TOP2B: variants seen among roughly 807,000 people sequenced by gnomAD.
TOP2B encodes the protein DNA topoisomerase II beta.
Under a neutral mutation model 193.5 loss-of-function variants are expected in TOP2B, and 51 were observed. The observed-to-expected ratio is 0.26, with a 90% CI of 0.21 to 0.33. The LOEUF (loss-of-function observed/expected upper bound fraction) is 0.33. Among genes scored for constraint, TOP2B ranks in the 10% least tolerant of loss-of-function variants. The probability of loss-of-function intolerance (pLI) is 1.00; values close to 1 mark genes in which losing one functional copy is unlikely to be tolerated. For missense variants in TOP2B, 1,378 were observed against 1,909.3 expected, an observed-to-expected ratio of 0.72 and a Z score of 5.19; for synonymous variants, 634 against 635.7, an observed-to-expected ratio of 1.00 and a Z score of 0.04.
chr3:25,664,456 C>A lies in TOP2B; in HGVS notation c.-159G>T. On this transcript the variant is annotated 5_prime_UTR_variant, in exon 1 of 36. Coordinates refer to ENST00000264331, the MANE Select transcript of TOP2B (RefSeq NM_001330700.2). ...ATCGCGAAGATCCGGAGCGGACGTCCAGCCGAGCCCGCTGAGGAGGCCGCG... is the reference window on the plus strand; with the variant it reads ...ATCGCGAAGATCCGGAGCGGACGTCAAGCCGAGCCCGCTGAGGAGGCCGCG... 8.1e-7 allele frequency: 1 copy of A among 1,236,430 alleles called. No homozygotes were observed. The highest frequency in any genetic ancestry group is 3.2e-5 in the South Asian group (1 of 31,278). 76.6% of individuals were successfully genotyped at this position (1,236,430 alleles called of 1,614,324 possible). A position where few individuals can be genotyped will look rare whatever the true frequency, so the allele number is the denominator to read the frequency against.
chr3:25,664,851 C>T lies in TOP2B; in HGVS notation c.-554G>A, dbSNP rs1053310825. The T allele has an allele frequency of 2.7e-5, 27 of 989,162 alleles. No individual in the cohort carries two copies. Among genetic ancestry groups the T allele is most frequent in the Non-Finnish European group, 3.0e-5 (25 of 832,350 alleles). The allele number at this position is 989,162 out of a possible 1,614,324, so 61.3% of individuals were successfully genotyped here. A position where few individuals can be genotyped will look rare whatever the true frequency, so the allele number is the denominator to read the frequency against. On this transcript the variant is annotated 5_prime_UTR_variant, in exon 1 of 36. Transcript: ENST00000264331. ...ACACCGAGAGGGACAATAAACAGAG[C>T]CGCCGCCGCCGCCGCCACGGTCACC...
Position 25,664,623 on chromosome 3 carries a change from C to T in TOP2B, c.-326G>A. On this transcript the variant is annotated 5_prime_UTR_variant, in exon 1 of 36. Coordinates refer to ENST00000264331, the MANE Select transcript of TOP2B (RefSeq NM_001330700.2). ...CCCGCCCGCGGGCGCCGCTGCAGGC[C>T]GGGCTGAAGCCCGGGCGTGCGAGCC... is the stretch of plus-strand genomic sequence containing the variant. The T allele has an allele frequency of 1.0e-6, 1 of 992,686 alleles. No individual in the cohort carries two copies. The allele number at this position is 992,686 out of a possible 1,614,324, so 61.5% of individuals were successfully genotyped here.
At chr3:25,605,191 T>C (rs1439391002) in intron 32 of TOP2B, among the ~76,000 whole-genome samples, 2 of 152,098 alleles carry the variant, frequency 1.3e-5, no homozygotes, top group African/African-American at 2.4e-5. Flanking sequence ...GATATGAAAA[T>C]GTCCCACTGT....
At chr3:25,655,921 A>G (rs1400684894) in intron 1 of TOP2B, among the ~76,000 whole-genome samples, 2 of 152,182 alleles carry the variant, frequency 1.3e-5, no homozygotes, top group African/African-American at 4.8e-5. Flanking sequence ...TCAGTTTGGG[A>G]AAATGAAATA....
At chr3:25,651,645 C>T (rs1408227450) in intron 1 of TOP2B, among the ~76,000 whole-genome samples, 1 of 151,996 alleles carries the variant, frequency 6.6e-6, no homozygotes. Flanking sequence ...GTGGGCAGAT[C>T]ACTTGAGGTC....
At chr3:25,631,910 C>T (rs978043797) in intron 10 of TOP2B, among the ~76,000 whole-genome samples, 4 of 151,846 alleles carry the variant, frequency 2.6e-5, no homozygotes, top group African/African-American at 9.7e-5. Flanking sequence ...AGAGCATTTC[C>T]CCACCAAAAT....
In TOP2B at chr3:25,601,421, C is replaced by G. The variant is rs149498041; in HGVS notation, c.4490-196G>C. Reference sequence around the variant, plus strand: ...ATCACCTGAGGTCAGCAGTTCAAGACCAGCCTGGCCAATACGGTAAAACCC... The same window carrying G: ...ATCACCTGAGGTCAGCAGTTCAAGAGCAGCCTGGCCAATACGGTAAAACCC... On this transcript the variant is annotated intron_variant, in intron 33 of 35. Coordinates refer to ENST00000264331, the MANE Select transcript of TOP2B (RefSeq NM_001330700.2). 3.3e-5 allele frequency among the ~76,000 whole-genome samples: 5 copies of G among 152,242 alleles called. No individual in the cohort carries two copies. In the East Asian group the frequency reaches 9.7e-4, roughly 29 times the overall value.
At position 25,633,823 on chromosome 3, in the gene TOP2B, A is replaced by T. The variant is rs369052164; in HGVS notation, c.1026+18T>A. On this transcript the variant is annotated intron_variant, in intron 8 of 35. Transcript: ENST00000264331. ...CTGTTCTACCACTGACTTGGAAACA[A>T]ATAATTTGCTTACTTACTTTTGTAG... 1.9e-6 allele frequency: 3 copies of T among 1,595,378 alleles called. No homozygotes were observed. The African/African-American group carries it at 4.1e-5, about 22-fold the overall frequency.
intron 32 of TOP2B, 40 bp downstream of exon 32, chr3:25,606,000 AAGC>A: frequency 1.8e-6 from 2 of 1,141,194 alleles, no homozygotes; most frequent in Non-Finnish European, 2.4e-6. Context: ...CCACCACTAA[AAGC>A]AATAATACAA....
chr3:25,640,760 T>A (rs1575581155), intron 4 of TOP2B, among the ~76,000 whole-genome samples: 2 of 139,578 alleles, frequency 1.4e-5, no homozygotes, highest in Admixed American at 6.9e-5. Context: ...GTCTTTTTTT[T>A]TTTTTTTTTT....
In TOP2B at chr3:25,615,542, G is replaced by T; in HGVS notation, c.3396C>A (p.Ser1132=). The T allele has an allele frequency of 6.4e-7, 1 of 1,574,188 alleles. No homozygotes were observed. The highest frequency in any genetic ancestry group is 8.6e-7 in the Non-Finnish European group (1 of 1,159,832). The change falls in exon 26 of 36, where the codon TCC becomes TCA. Residue 1132 remains serine, a synonymous_variant. Transcript: ENST00000264331. ...DETQNQHDDS[S]SDSGTPSGPD... is the part of the protein sequence containing the mutation. ...GGCCTGAAGGAGTTCCTGAATCGGA[G>T]GAACTATCATCATGCTGGTTTTGTG...
intron 33 of TOP2B, among the ~76,000 whole-genome samples, chr3:25,603,011 C>T (rs1203136981): frequency 2.0e-5 from 3 of 152,054 alleles, no homozygotes; most frequent in African/African-American, 7.2e-5. Flanking sequence ...AGGCAGTCTA[C>T]CTATTCAACT....
chr3:25,637,135 A>C, intron 6 of TOP2B, 80 bp downstream of exon 6: 1 of 1,097,242 alleles, frequency 9.1e-7, no homozygotes, highest in Non-Finnish European at 1.3e-6. Flanking sequence ...GCATCACTGC[A>C]ATTTACCCAA....
chr3:25,664,869 C>T lies in TOP2B; in HGVS notation c.-572G>A. ...AACAGAGCCGCCGCCGCCGCCGCCA[C>T]GGTCACCTCCCTCTTGTCCGGCATA... On this transcript the variant is annotated 5_prime_UTR_variant, in exon 1 of 36. In the 5' UTR this introduces an upstream ATG that the reference lacks. Coordinates refer to ENST00000264331, the MANE Select transcript of TOP2B (RefSeq NM_001330700.2). 1 of 991,768 alleles carries T rather than the reference C, an allele frequency of 1.0e-6. No individual in the cohort carries two copies. Among genetic ancestry groups the T allele is most frequent in the Non-Finnish European group, 1.2e-6 (1 of 833,236 alleles). 61.4% of individuals were successfully genotyped at this position (991,768 alleles called of 1,614,324 possible). A position where few individuals can be genotyped will look rare whatever the true frequency, so the allele number is the denominator to read the frequency against.
chr3:25,625,423 G>A (rs995790278), intron 18 of TOP2B, among the ~76,000 whole-genome samples: 4 of 152,136 alleles, frequency 2.6e-5, no homozygotes, highest in African/African-American at 7.2e-5. Context: ...AAATCACTCT[G>A]CTCCCTTACC....
intron 1 of TOP2B, among the ~76,000 whole-genome samples, chr3:25,646,089 T>G (rs1703407462): frequency 6.6e-6 from 1 of 152,004 alleles, no homozygotes; most frequent in South Asian, 2.1e-4. Context: ...ATTTTTGTGG[T>G]CCTCAAAACC....
rs113996051 is a variant in TOP2B at position 25,624,462 on chromosome 3, G to A, written c.2347-17C>T. 7 of 1,605,182 alleles carry A rather than the reference G, an allele frequency of 4.4e-6. No homozygotes were observed. The highest frequency in any genetic ancestry group is 4.0e-5 in the African/African-American group (3 of 74,516). On this transcript the variant is annotated splice_polypyrimidine_tract_variant and intron_variant, in intron 19 of 35. Transcript: ENST00000264331. ...CAATGCTTGCTATACAACAGAAGAAGGCAGAACATAACATTAATATTCTAA... is the reference window on the plus strand; with the variant it reads ...CAATGCTTGCTATACAACAGAAGAAAGCAGAACATAACATTAATATTCTAA...
At chr3:25,658,201 C>A (rs945193247) in intron 1 of TOP2B, among the ~76,000 whole-genome samples, 10 of 151,722 alleles carry the variant, frequency 6.6e-5, no homozygotes, top group Non-Finnish European at 1.3e-4. Context: ...TGCACCCCAA[C>A]CTGGGCAACA....
At chr3:25,645,250 T>C in intron 2 of TOP2B, 50 bp downstream of exon 2, 5 of 1,421,630 alleles carry the variant, frequency 3.5e-6, no homozygotes, top group South Asian at 1.6e-5. Flanking sequence ...TATTAAAAAG[T>C]AAATATAGAT....
Sources: gnomAD v4.1 joint callset for allele counts (sites outside exome capture counted in the v4.1 genomes callset) on GRCh38, gnomAD v4.1.1 for gene constraint, MANE v1.5 for transcripts, NCBI Gene and HGNC (gene_info 2026-07-23, HGNC 2026-07-21) for gene names.